Variants in PPARGC1A observed in about 807,000 individuals in gnomAD.
PPARGC1A encodes the protein peroxisome proliferator-activated receptor gamma coactivator 1-alpha.
PPARGC1A carries 25 observed loss-of-function variants against 88.7 expected under a neutral mutation model. That is an observed-to-expected ratio of 0.28 (90% CI 0.21 to 0.39). The LOEUF (loss-of-function observed/expected upper bound fraction) is 0.39, where lower values mean the gene tolerates loss of function less well. PPARGC1A is among the 10% of genes least tolerant of loss of function. The pLI is 1.00. For synonymous variants in PPARGC1A, 363 were observed against 355.6 expected (o/e 1.02, Z -0.24); for missense variants, 880 against 968.7 (o/e 0.91, Z 1.22).
At chr4:24,214,040 T>A in the PPARGC1A span, among the ~76,000 whole-genome samples, 1 of 152,112 alleles carries the variant, frequency 6.6e-6, no homozygotes, top group African/African-American at 2.4e-5. Context: ...AAAACACACA[T>A]AAAAATTCCG....
chr4:24,146,769 C>T, the PPARGC1A span, among the ~76,000 whole-genome samples: 1 of 152,200 alleles, frequency 6.6e-6, no homozygotes, highest in South Asian at 2.1e-4. Flanking sequence ...ACATTAGCAC[C>T]TTCTGACAGT....
chr4:23,879,400 A>G (rs1715465899), intron 2 of PPARGC1A, among the ~76,000 whole-genome samples: 1 of 152,188 alleles, frequency 6.6e-6, no homozygotes, highest in Non-Finnish European at 1.5e-5. Flanking sequence ...CAGTGGAAAG[A>G]TAGAGGGCCC....
the PPARGC1A span, among the ~76,000 whole-genome samples, chr4:23,938,837 C>T: frequency 2.0e-5 from 3 of 152,184 alleles, no homozygotes; most frequent in Non-Finnish European, 2.9e-5. Flanking sequence ...ACATGACTTT[C>T]GCTTAGGAGA....
chr4:24,118,564 T>C, the PPARGC1A span, among the ~76,000 whole-genome samples: 1 of 152,178 alleles, frequency 6.6e-6, no homozygotes, highest in Non-Finnish European at 1.5e-5. Flanking sequence ...TTTAGAACAC[T>C]ACTCGGTTTT....
chr4:23,962,034 GA>G, the PPARGC1A span, among the ~76,000 whole-genome samples: 1 of 152,120 alleles, frequency 6.6e-6, no homozygotes, highest in Non-Finnish European at 1.5e-5. Flanking sequence ...TGGCCAGTAC[GA>G]AAAGGGTTAG....
the PPARGC1A span, among the ~76,000 whole-genome samples, chr4:24,073,956 G>A: frequency 1.3e-4 from 20 of 152,156 alleles, no homozygotes; most frequent in East Asian, 3.9e-4. Flanking sequence ...GTGAGTATCC[G>A]GTACCACTCC....
the PPARGC1A span, among the ~76,000 whole-genome samples, chr4:24,350,722 A>G: frequency 2.0e-5 from 3 of 152,212 alleles, no homozygotes; most frequent in Non-Finnish European, 2.9e-5. Flanking sequence ...ATCACAAACT[A>G]TAACATGGTC....
chr4:23,987,357 T>A, the PPARGC1A span, among the ~76,000 whole-genome samples: 3 of 151,962 alleles, frequency 2.0e-5, no homozygotes, highest in African/African-American at 7.2e-5. Flanking sequence ...ATATTGTAAA[T>A]CACATTAACA....
At chr4:24,084,891 T>C in the PPARGC1A span, among the ~76,000 whole-genome samples, 417 of 152,308 alleles carry the variant, frequency 2.7e-3, 5 homozygotes, top group East Asian at 0.052. Context: ...CTTATTTCAG[T>C]TCTTCTATGG....
chr4:24,110,229 G>C, the PPARGC1A span, among the ~76,000 whole-genome samples: 6 of 152,136 alleles, frequency 3.9e-5, no homozygotes, highest in African/African-American at 9.7e-5. Flanking sequence ...AAGATCAATG[G>C]ACACATTGTG....
upstream of PPARGC1A, chr4:23,904,010 A>T (rs544014414): frequency 2.1e-6 from 2 of 971,892 alleles, no homozygotes; most frequent in African/African-American, 3.5e-5. Flanking sequence ...AATTGAATCC[A>T]TAGATGATAA....
At chr4:24,232,598 C>T in the PPARGC1A span, among the ~76,000 whole-genome samples, 1 of 152,164 alleles carries the variant, frequency 6.6e-6, no homozygotes, top group South Asian at 2.1e-4. Flanking sequence ...ATAAGCTGCC[C>T]ACATAGTAAT....
At chr4:23,823,855 C>T (rs1723435857) in intron 7 of PPARGC1A, among the ~76,000 whole-genome samples, 1 of 152,088 alleles carries the variant, frequency 6.6e-6, no homozygotes, top group South Asian at 2.1e-4. Context: ...GCAACAATGA[C>T]CACGGTGCAG....
intron 2 of PPARGC1A, among the ~76,000 whole-genome samples, chr4:23,842,616 T>C (rs1274943492): frequency 6.6e-6 from 1 of 152,072 alleles, no homozygotes; most frequent in Non-Finnish European, 1.5e-5. Context: ...TTTAGAATGC[T>C]TAACAGCATC....
chr4:23,976,005 T>A, the PPARGC1A span, among the ~76,000 whole-genome samples: 1 of 152,294 alleles, frequency 6.6e-6, no homozygotes, highest in Non-Finnish European at 1.5e-5. Context: ...ATGTTAGCAA[T>A]AATGATGAAG....
chr4:23,980,432 G>A, the PPARGC1A span, among the ~76,000 whole-genome samples: 1 of 152,012 alleles, frequency 6.6e-6, no homozygotes, highest in Non-Finnish European at 1.5e-5. Flanking sequence ...CACTTTTCTT[G>A]CTTAACACTA....
At chr4:23,868,034 C>G (rs537728227) in intron 2 of PPARGC1A, among the ~76,000 whole-genome samples, 11 of 152,264 alleles carry the variant, frequency 7.2e-5, no homozygotes, top group African/African-American at 2.6e-4. Context: ...CTGGGAACAG[C>G]GGGTTCCTTG....
the PPARGC1A span, among the ~76,000 whole-genome samples, chr4:24,208,856 A>G: frequency 6.6e-6 from 1 of 152,058 alleles, no homozygotes; most frequent in Non-Finnish European, 1.5e-5. Flanking sequence ...TTGCAACTCT[A>G]TAATGAGAGT....
At chr4:24,228,644 A>G in the PPARGC1A span, among the ~76,000 whole-genome samples, 1 of 152,144 alleles carries the variant, frequency 6.6e-6, no homozygotes, top group Non-Finnish European at 1.5e-5. Flanking sequence ...CTGAATCTAA[A>G]ATAAAAGCCA....
Sources: gnomAD v4.1 joint callset for allele counts (sites outside exome capture counted in the v4.1 genomes callset) on GRCh38, gnomAD v4.1.1 for gene constraint, MANE v1.5 for transcripts, NCBI Gene and HGNC (gene_info 2026-07-23, HGNC 2026-07-21) for gene names.